Variants in PDE1C observed in about 807,000 individuals in gnomAD.
The protein encoded by PDE1C is phosphodiesterase 1C.
PDE1C carries 62 observed loss-of-function variants against 93.1 expected under a neutral mutation model. That is an observed-to-expected ratio of 0.67 (90% CI 0.54 to 0.82). The LOEUF is 0.82. Ranked by LOEUF, PDE1C falls within the 40% of genes least tolerant of loss-of-function variation. The pLI is 0.00. For missense variants in PDE1C, 742 were observed against 884.6 expected (o/e 0.84, Z 2.04); for synonymous variants, 325 against 310.1 (o/e 1.05, Z -0.50).
At chr7:32,235,032 G>A (rs541183268) in intron 1 of PDE1C, among the ~76,000 whole-genome samples, 1 of 152,080 alleles carries the variant, frequency 6.6e-6, no homozygotes, top group Non-Finnish European at 1.5e-5. Flanking sequence ...ATGCAGAAAA[G>A]GCTTTTGACA....
At chr7:31,988,270 A>G (rs1006348301) in intron 2 of PDE1C, among the ~76,000 whole-genome samples, 1 of 152,224 alleles carries the variant, frequency 6.6e-6, no homozygotes, top group Non-Finnish European at 1.5e-5. Flanking sequence ...CGCCTACAGT[A>G]AAGAGCACCT....
Position 31,844,051 on chromosome 7 carries a change from A to G in PDE1C, c.980+3917T>C, listed in dbSNP as rs549572079. On this transcript the variant is annotated intron_variant, in intron 9 of 17. Transcript: ENST00000396191. The stretch of plus-strand genomic sequence containing the variant: ...ATGTTATCATTGTCACATGTATTAC[A>G]CCTCTCTACATACAAACCTCATGAG... Among the ~76,000 whole-genome samples the G allele has an allele frequency of 8.6e-5, 13 of 151,828 alleles. No individual in the cohort carries two copies. In the East Asian group the frequency reaches 2.5e-3, roughly 29 times the overall value.
At chr7:32,005,578 A>AAACAAAAAAC (rs1554461619) in intron 2 of PDE1C, among the ~76,000 whole-genome samples, 15 of 103,716 alleles carry the variant, frequency 1.4e-4, no homozygotes, top group Admixed American at 9.5e-5. Context: ...AAAAAAAAAA[A>AAACAAAAAAC]AAAGAATTGT....
chr7:31,710,712 G>GT, the PDE1C span, among the ~76,000 whole-genome samples: 3 of 152,202 alleles, frequency 2.0e-5, no homozygotes, highest in Non-Finnish European at 4.4e-5. Context: ...CTCGTAATTT[G>GT]TAAGTGTGAA....
chr7:32,298,833 TC>T (rs1208800499), exon 1 of PDE1C: 34 of 1,434,790 alleles, frequency 2.4e-5, no homozygotes, highest in Non-Finnish European at 3.1e-5. Flanking sequence ...CGGCGAATCC[TC>T]CCCCGGCCGC....
intron 1 of PDE1C, among the ~76,000 whole-genome samples, chr7:32,339,074 A>G (rs1211812858): frequency 2.0e-5 from 3 of 151,956 alleles, no homozygotes; most frequent in African/African-American, 7.3e-5. Context: ...CTAAGTATTC[A>G]TCAACAAACA....
intron 2 of PDE1C, among the ~76,000 whole-genome samples, chr7:32,047,806 T>C (rs956216127): frequency 1.3e-5 from 2 of 152,194 alleles, no homozygotes; most frequent in African/African-American, 2.4e-5. Context: ...ATGTAGATTA[T>C]TTTTGTATCC....
At chr7:32,286,530 T>C (rs1184287006) in intron 1 of PDE1C, among the ~76,000 whole-genome samples, 3 of 152,238 alleles carry the variant, frequency 2.0e-5, no homozygotes, top group Admixed American at 6.5e-5. Flanking sequence ...GTGCATATAA[T>C]TGGTGAGACA....
intron 3 of PDE1C, among the ~76,000 whole-genome samples, chr7:32,160,726 C>T (rs2215197): frequency 0.25 from 38,424 of 151,928 alleles, 5,074 homozygotes; most frequent in Middle Eastern, 0.34. Context: ...ACGAGAATCA[C>T]TTGAACCCAG....
intron 3 of PDE1C, among the ~76,000 whole-genome samples, chr7:32,113,469 T>A (rs542756120): frequency 1.3e-5 from 2 of 151,304 alleles, no homozygotes; most frequent in Non-Finnish European, 2.9e-5. Flanking sequence ...CTCATTGTAT[T>A]CTTTGTTTCT....
chr7:31,971,125 A>G (rs1217031065), intron 2 of PDE1C, among the ~76,000 whole-genome samples: 2 of 152,182 alleles, frequency 1.3e-5, no homozygotes, highest in Non-Finnish European at 2.9e-5. Flanking sequence ...CCTGGGCAAC[A>G]AGAGCAAAAC....
the PDE1C span, among the ~76,000 whole-genome samples, chr7:31,689,638 G>A: frequency 1.3e-5 from 2 of 152,108 alleles, no homozygotes. Flanking sequence ...GATAGAAATG[G>A]AGAGTGAGTT....
intron 1 of PDE1C, among the ~76,000 whole-genome samples, chr7:32,403,641 T>C (rs1784994181): frequency 6.6e-6 from 1 of 152,192 alleles, no homozygotes; most frequent in South Asian, 2.1e-4. Flanking sequence ...ATTGGCTGAG[T>C]TCACCCTTCT....
intron 1 of PDE1C, among the ~76,000 whole-genome samples, chr7:32,250,873 C>A (rs1809320465): frequency 6.6e-6 from 1 of 152,236 alleles, no homozygotes; most frequent in South Asian, 2.1e-4. Context: ...CTGTAACACA[C>A]CGCAAAGGCA....
At chr7:31,898,018 CTT>C (rs201863179) in intron 2 of PDE1C, among the ~76,000 whole-genome samples, 1 of 122,822 alleles carries the variant, frequency 8.1e-6, no homozygotes, top group African/African-American at 3.2e-5. Flanking sequence ...GGTTTGGTTT[CTT>C]TGTGTGTGTG....
chr7:32,071,458 C>T (rs1796052267), upstream of PDE1C: 1 of 976,844 alleles, frequency 1.0e-6, no homozygotes, highest in Non-Finnish European at 1.2e-6. Flanking sequence ...CTCGCTCGCG[C>T]TCTCTCTCCT....
intron 3 of PDE1C, among the ~76,000 whole-genome samples, chr7:32,117,575 T>C (rs1419441823): frequency 1.3e-5 from 2 of 152,220 alleles, no homozygotes; most frequent in African/African-American, 4.8e-5. Flanking sequence ...AGTTGGTCAG[T>C]TTACCACAAA....
chr7:31,846,179 C>T (rs1792555313), intron 9 of PDE1C, among the ~76,000 whole-genome samples: 1 of 151,698 alleles, frequency 6.6e-6, no homozygotes, highest in African/African-American at 2.4e-5. Flanking sequence ...AACATATTTT[C>T]CAAACATACG....
At chr7:31,981,205 G>T (rs927966051) in intron 2 of PDE1C, among the ~76,000 whole-genome samples, 1 of 152,012 alleles carries the variant, frequency 6.6e-6, no homozygotes, top group Non-Finnish European at 1.5e-5. Flanking sequence ...GCTATGTCAG[G>T]CTATAGTCAA....
Sources: gnomAD v4.1 joint callset for allele counts (sites outside exome capture counted in the v4.1 genomes callset) on GRCh38, gnomAD v4.1.1 for gene constraint, MANE v1.5 for transcripts, NCBI Gene and HGNC (gene_info 2026-07-23, HGNC 2026-07-21) for gene names.